Variants in TMEM135 observed in about 807,000 individuals in gnomAD.
The protein encoded by TMEM135 is peroxisomal membrane protein 52.
Under a neutral mutation model 60.3 loss-of-function variants are expected in TMEM135, and 30 were observed. The ratio of observed to expected loss-of-function variants is 0.50; its 90% CI spans 0.37 to 0.68. The LOEUF is 0.68. Among genes scored for constraint, TMEM135 ranks in the 30% least tolerant of loss-of-function variants. The pLI, the probability that TMEM135 is intolerant of heterozygous loss-of-function variation, is 0.00. For synonymous variants in TMEM135, 190 were observed against 186.7 expected, an observed-to-expected ratio of 1.02 and a Z score of -0.14; for missense variants, 468 against 548.8, an observed-to-expected ratio of 0.85 and a Z score of 1.47.
intron 5 of TMEM135, among the ~76,000 whole-genome samples, chr11:87,223,137 T>G (rs911434442): frequency 5.9e-5 from 9 of 151,308 alleles, no homozygotes; most frequent in African/African-American, 2.2e-4. Flanking sequence ...GTCTATATTC[T>G]GCAGTAAATG....
intron 4 of TMEM135, among the ~76,000 whole-genome samples, chr11:87,140,687 T>C (rs1938238759): frequency 6.6e-6 from 1 of 152,218 alleles, no homozygotes; most frequent in African/African-American, 2.4e-5. Context: ...ATCCCCAATG[T>C]AGTATATCTT....
At chr11:87,089,001 A>G (rs1857152268) in intron 3 of TMEM135, among the ~76,000 whole-genome samples, 1 of 152,250 alleles carries the variant, frequency 6.6e-6, no homozygotes, top group African/African-American at 2.4e-5. Flanking sequence ...AAAATGTTAT[A>G]TAAAATTGCA....
intron 5 of TMEM135, among the ~76,000 whole-genome samples, chr11:87,188,581 G>T (rs1056475376): frequency 6.6e-6 from 1 of 151,922 alleles, no homozygotes. Flanking sequence ...GCTGGCGCCT[G>T]TAATCCCAGA....
chr11:87,068,765 C>T (rs928761871), intron 2 of TMEM135, among the ~76,000 whole-genome samples: 57 of 145,170 alleles, frequency 3.9e-4, no homozygotes, highest in Admixed American at 2.6e-3. Context: ...GAGCCGAGAT[C>T]GCGCCATTGC....
rs1442165562 is a variant in TMEM135 at position 87,076,860 on chromosome 11, ACT to A, written c.362+5248_362+5249del. Among the ~76,000 whole-genome samples, 24 of 151,890 alleles carry A rather than the reference ACT, an allele frequency of 1.6e-4. No individual in the cohort carries two copies. The East Asian group carries it at 4.5e-3, about 28-fold the overall frequency. The stretch of plus-strand genomic sequence containing the variant: ...CAAGGCTTGGAATGGATCCTTCATG[ACT>A]CTGCCTGGTCTCTTCTCCTACTGTG... On this transcript the variant is annotated intron_variant, in intron 3 of 14. Transcript: ENST00000305494.
At chr11:87,319,423 T>C (rs776748343) in intron 14 of TMEM135, 46 bp downstream of exon 14, 2 of 1,359,894 alleles carry the variant, frequency 1.5e-6, no homozygotes, top group South Asian at 2.4e-5. Context: ...AGTGGTTTTA[T>C]CTTTTTGAGG....
chr11:87,315,222 G>T (rs1044944801), intron 12 of TMEM135, among the ~76,000 whole-genome samples: 3 of 151,376 alleles, frequency 2.0e-5, no homozygotes, highest in African/African-American at 7.3e-5. Flanking sequence ...GAAGATGTAG[G>T]TCATTAGTTC....
At chr11:87,262,115 C>G (rs1226821227) in intron 6 of TMEM135, among the ~76,000 whole-genome samples, 1 of 151,896 alleles carries the variant, frequency 6.6e-6, no homozygotes, top group Non-Finnish European at 1.5e-5. Flanking sequence ...TAAACCTTCT[C>G]AACAGACATT....
At chr11:87,291,974 C>T (rs1942273822) in intron 6 of TMEM135, among the ~76,000 whole-genome samples, 1 of 152,148 alleles carries the variant, frequency 6.6e-6, no homozygotes, top group South Asian at 2.1e-4. Context: ...ATTGCTAGGA[C>T]CTCATTTCCT....
chr11:87,240,245 CT>C (rs1941100125), intron 6 of TMEM135, among the ~76,000 whole-genome samples: 1 of 152,000 alleles, frequency 6.6e-6, no homozygotes, highest in African/African-American at 2.4e-5. Flanking sequence ...TTTGAAAGAG[CT>C]TTTTGTATAA....
chr11:87,195,949 A>T (rs997477188), intron 5 of TMEM135, among the ~76,000 whole-genome samples: 1 of 152,150 alleles, frequency 6.6e-6, no homozygotes, highest in Non-Finnish European at 1.5e-5. Flanking sequence ...GTATGGAATG[A>T]TACCATTAAC....
intron 6 of TMEM135, among the ~76,000 whole-genome samples, chr11:87,260,530 TA>T: frequency 7.7e-6 from 1 of 130,404 alleles, no homozygotes; most frequent in Non-Finnish European, 1.8e-5. Flanking sequence ...ATTTATTATC[TA>T]TTTTTTTTTG....
In TMEM135 at chr11:87,157,334, T is replaced by C; in HGVS notation, c.397-7T>C. 1 of 1,611,454 alleles carries C rather than the reference T, an allele frequency of 6.2e-7. No individual in the cohort carries two copies. The highest frequency in any genetic ancestry group is 8.5e-7 in the Non-Finnish European group (1 of 1,178,302). On this transcript the variant is annotated splice_polypyrimidine_tract_variant and splice_region_variant and intron_variant, in intron 4 of 14. Coordinates refer to ENST00000305494, the MANE Select transcript of TMEM135 (RefSeq NM_022918.4). The stretch of plus-strand genomic sequence containing the variant: ...TATTTTTGCTGTTTTTTTTTTTTAA[T>C]TTACAGGCCACAGAAACACTATTCA...
intron 5 of TMEM135, among the ~76,000 whole-genome samples, chr11:87,207,743 C>T (rs1451999238): frequency 6.6e-6 from 1 of 152,156 alleles, no homozygotes; most frequent in African/African-American, 2.4e-5. Flanking sequence ...AGTTTATACT[C>T]CCCTACTGGA....
At chr11:87,311,602 T>G (rs1294467167) in intron 10 of TMEM135, among the ~76,000 whole-genome samples, 1 of 152,094 alleles carries the variant, frequency 6.6e-6, no homozygotes, top group Non-Finnish European at 1.5e-5. Context: ...TTTTCATTTC[T>G]GTTACTATTT....
intron 6 of TMEM135, among the ~76,000 whole-genome samples, chr11:87,267,389 A>G (rs1305717656): frequency 6.6e-6 from 1 of 152,194 alleles, no homozygotes; most frequent in African/African-American, 2.4e-5. Flanking sequence ...CAAGATAAGC[A>G]TTCTAGCCAA....
rs532354369 is a variant in TMEM135, at chr11:87,187,711, A to T, written c.462+30305A>T. Reference sequence around the variant, plus strand: ...ATTGATAATCTTTTGATGGTATTTTATAACTTCAAATCTTAAAGATTGGAA... The same window carrying T: ...ATTGATAATCTTTTGATGGTATTTTTTAACTTCAAATCTTAAAGATTGGAA... On this transcript the variant is annotated intron_variant, in intron 5 of 14. Transcript: ENST00000305494. Among the ~76,000 whole-genome samples the T allele has an allele frequency of 3.3e-5, 5 of 152,352 alleles. No individual in the cohort carries two copies. The South Asian group carries it at 8.3e-4, about 25-fold the overall frequency.
At chr11:87,097,571 T>C (rs1857358343) in intron 4 of TMEM135, among the ~76,000 whole-genome samples, 1 of 152,190 alleles carries the variant, frequency 6.6e-6, no homozygotes, top group Non-Finnish European at 1.5e-5. Context: ...ACAGATTTTG[T>C]AGGGCTCTTT....
chr11:87,247,183 G>A (rs1292419982), intron 6 of TMEM135, among the ~76,000 whole-genome samples: 4 of 152,034 alleles, frequency 2.6e-5, no homozygotes, highest in African/African-American at 4.8e-5. Context: ...TGTGAACCAT[G>A]AATGCTGATG....
Sources: gnomAD v4.1 joint callset for allele counts (sites outside exome capture counted in the v4.1 genomes callset) on GRCh38, gnomAD v4.1.1 for gene constraint, MANE v1.5 for transcripts, NCBI Gene and HGNC (gene_info 2026-07-23, HGNC 2026-07-21) for gene names.